BORCS8: variants seen among roughly 807,000 people sequenced by gnomAD.
BORCS8 encodes the protein BLOC-1-related complex subunit 8.
A neutral mutation model predicts 18.7 loss-of-function variants in BORCS8; 13 were observed. That is an observed-to-expected ratio of 0.70 (90% CI 0.45 to 1.11). The LOEUF (loss-of-function observed/expected upper bound fraction) is 1.11, where lower values mean the gene tolerates loss of function less well. Ranked by LOEUF, BORCS8 falls within the 50% of genes least tolerant of loss-of-function variation. BORCS8 has a pLI of 0.00. For missense variants in BORCS8, 165 were observed against 165.7 expected (o/e 1.00, Z 0.02); for synonymous variants, 68 against 64.8 (o/e 1.05, Z -0.24).
Position 19,182,739 on chromosome 19 carries a change from C to T in BORCS8, c.216-56G>A. On this transcript the variant is annotated intron_variant, in intron 3 of 5. Transcript: ENST00000462790. The surrounding 1 kb of genome is among the most constrained non-coding windows in gnomAD (Gnocchi z 4.1). ...TCCGGACCTGCAGGTAACTGTCCCA[C>T]ACCCCAGCACTTGAGGTCACCACCA... The T allele has an allele frequency of 6.7e-7, 1 of 1,499,462 alleles. No homozygotes were observed. Among genetic ancestry groups the T allele is most frequent in the East Asian group, 2.5e-5 (1 of 40,236 alleles). The allele number at this position is 1,499,462 out of a possible 1,614,324, so 92.9% of individuals were successfully genotyped here.
Position 19,181,803 on chromosome 19 carries a change from C to A in BORCS8, c.326+770G>T, listed in dbSNP as rs532698025. The A allele has an allele frequency of 1.2e-4, 109 of 945,116 alleles. No individual in the cohort carries two copies. In the African/African-American group the frequency reaches 1.7e-3, roughly 15 times the overall value. The allele number at this position is 945,116 out of a possible 1,614,324, so 58.5% of individuals were successfully genotyped here. A position where few individuals can be genotyped will look rare whatever the true frequency, so the allele number is the denominator to read the frequency against. Reference sequence around the variant, plus strand: ...TTTCTTTCTTTTGCCCAGTGGGGGACAGGCCTGCCAGAACCCCAATCTGTG... The same window carrying A: ...TTTCTTTCTTTTGCCCAGTGGGGGAAAGGCCTGCCAGAACCCCAATCTGTG... On this transcript the variant is annotated intron_variant, in intron 4 of 5. Transcript: ENST00000462790.
chr19:19,185,559 G>A (rs984456354), intron 3 of BORCS8, among the ~76,000 whole-genome samples: 2 of 152,182 alleles, frequency 1.3e-5, no homozygotes, highest in Non-Finnish European at 2.9e-5. Flanking sequence ...GGTGGCGGGC[G>A]CCTGTAGTCC....
At chr19:19,184,990 T>C (rs1331918046) in intron 3 of BORCS8, among the ~76,000 whole-genome samples, 2 of 152,208 alleles carry the variant, frequency 1.3e-5, no homozygotes, top group African/African-American at 4.8e-5. Context: ...CTCAGCCTCC[T>C]GAGTAGCTGG....
At chr19:19,183,969 G>T (rs961542573) in intron 3 of BORCS8, among the ~76,000 whole-genome samples, 2 of 148,378 alleles carry the variant, frequency 1.3e-5, no homozygotes, top group Middle Eastern at 3.6e-3. Context: ...AGCAACCTCC[G>T]TCTCCCAGGT....
chr19:19,189,200 C>A (rs879833910), intron 1 of BORCS8, among the ~76,000 whole-genome samples: 2 of 152,122 alleles, frequency 1.3e-5, no homozygotes, highest in Non-Finnish European at 2.9e-5. Flanking sequence ...CCCAGCCAGC[C>A]AGCAGGGCCC....
chr19:19,183,134 C>T (rs552258552), intron 3 of BORCS8, among the ~76,000 whole-genome samples: 4 of 152,062 alleles, frequency 2.6e-5, no homozygotes, highest in African/African-American at 7.2e-5. Flanking sequence ...CTGGGATGGG[C>T]GCAGTGGATC....
At chr19:19,179,061 GAC>G (rs1269941715) in intron 5 of BORCS8, 1 of 152,582 alleles carries the variant, frequency 6.6e-6, no homozygotes, top group East Asian at 1.9e-4. Context: ...ACGTGGATGA[GAC>G]ACAGAGCAAT....
Position 19,182,325 on chromosome 19 carries a change from C to T in BORCS8, c.326+248G>A. The T allele has an allele frequency of 1.1e-6, 1 of 943,542 alleles. No individual in the cohort carries two copies. Among genetic ancestry groups the T allele is most frequent in the East Asian group, 3.6e-5 (1 of 28,124 alleles). The allele number at this position is 943,542 out of a possible 1,614,324, so 58.4% of individuals were successfully genotyped here. A position where few individuals can be genotyped will look rare whatever the true frequency, so the allele number is the denominator to read the frequency against. On this transcript the variant is annotated intron_variant, in intron 4 of 5. Coordinates refer to ENST00000462790, the MANE Select transcript of BORCS8 (RefSeq NM_001145784.2). This position sits in a 1 kb window ranked among gnomAD's most constrained non-coding sequence, Gnocchi z 4.1. ...GTCGTATGTCTCCTTGTGAGCCTGT[C>T]TGTCTCGGTCACTGCTATGTCCCCA...
At chr19:19,189,619 C>T (rs759735860) in intron 1 of BORCS8, among the ~76,000 whole-genome samples, 1 of 152,148 alleles carries the variant, frequency 6.6e-6, no homozygotes, top group African/African-American at 2.4e-5. Flanking sequence ...AGGAGGATCA[C>T]TTGAGGATAA....
At chr19:19,187,692 C>A (rs2060424275) in intron 1 of BORCS8, among the ~76,000 whole-genome samples, 1 of 151,778 alleles carries the variant, frequency 6.6e-6, no homozygotes, top group Non-Finnish European at 1.5e-5. Flanking sequence ...GCATGCACCA[C>A]CACGCCCAGC....
In BORCS8 at chr19:19,186,067, T is replaced by C. The variant is rs747106858; in HGVS notation, c.182A>G (p.Gln61Arg). 5.8e-6 allele frequency: 9 copies of C among 1,550,826 alleles called. No individual in the cohort carries two copies. In the South Asian group the frequency reaches 9.5e-5, roughly 16 times the overall value. Residue 61 changes from glutamine (Q) to arginine (R), a missense_variant, in exon 3 of 6, where the codon CAG (glutamine) becomes CGG (arginine). Physicochemically the swap from Gln to Arg is conservative, Grantham distance 43 (BLOSUM62 1). Transcript: ENST00000462790. Reference sequence around the variant, plus strand: ...GTACTCCACAGTGTAGATGGCTCCCTGGCTCTGCTCCTCCCAACGCTGCAT... The same window carrying C: ...GTACTCCACAGTGTAGATGGCTCCCCGGCTCTGCTCCTCCCAACGCTGCAT... ...ADMQRWEEQSQGAIYTVEYAC... is the reference protein window; with the variant it reads ...ADMQRWEEQSRGAIYTVEYAC...
At chr19:19,179,080 G>GGGC (rs1388704146) in intron 5 of BORCS8, 1 of 152,970 alleles carries the variant, frequency 6.5e-6, no homozygotes, top group Non-Finnish European at 1.5e-5. Flanking sequence ...CAATCCTGCC[G>GGGC]GGCAGCAGCA....
intron 5 of BORCS8, chr19:19,178,603 C>T (rs1422265329): frequency 6.6e-6 from 1 of 152,368 alleles, no homozygotes; most frequent in East Asian, 1.9e-4. Context: ...AGGGGGATGA[C>T]TTGACCCTGC....
chr19:19,182,426 C>T lies in BORCS8; in HGVS notation c.326+147G>A. 7.0e-7 allele frequency: 1 copy of T among 1,429,748 alleles called. No homozygotes were observed. 88.6% of individuals were successfully genotyped at this position (1,429,748 alleles called of 1,614,324 possible). ...AGTGACTGAACTCAGGTTATAGATG[C>T]CACAGGACAAGAGGAGGTCACCAGA... On this transcript the variant is annotated intron_variant, in intron 4 of 5. Coordinates refer to ENST00000462790, the MANE Select transcript of BORCS8 (RefSeq NM_001145784.2). The surrounding 1 kb of genome is among the most constrained non-coding windows in gnomAD (Gnocchi z 4.1).
At chr19:19,186,169 T>C in intron 2 of BORCS8, 71 bp from the exon 3 acceptor site, 2 of 1,427,116 alleles carry the variant, frequency 1.4e-6, no homozygotes, top group Non-Finnish European at 1.9e-6. Context: ...CCCAGCTCTC[T>C]TGGTTGGGGC....
intron 1 of BORCS8, among the ~76,000 whole-genome samples, chr19:19,191,483 C>T (rs986342411): frequency 2.1e-5 from 3 of 145,374 alleles, no homozygotes; most frequent in Non-Finnish European, 3.0e-5. Context: ...CAGTGTGATA[C>T]CTTGTCTCAA....
Position 19,182,690 on chromosome 19 carries a change from C to CG in BORCS8, c.216-8dup. The CG allele has an allele frequency of 3.2e-6, 5 of 1,549,376 alleles. No homozygotes were observed. The highest frequency in any genetic ancestry group is 3.5e-6 in the Non-Finnish European group (4 of 1,146,416). ...CACCAGGTTCTTCACGGCGCTGAAA[C>CG]GGGAGGACAGGCCTGGTCAGCGCTC... is the stretch of plus-strand genomic sequence containing the variant. On this transcript the variant is annotated splice_region_variant and splice_polypyrimidine_tract_variant and intron_variant, in intron 3 of 5. Transcript: ENST00000462790. This position sits in a 1 kb window ranked among gnomAD's most constrained non-coding sequence, Gnocchi z 4.1.
chr19:19,184,072 A>G (rs966884494), intron 3 of BORCS8, among the ~76,000 whole-genome samples: 53 of 150,524 alleles, frequency 3.5e-4, no homozygotes, highest in African/African-American at 1.3e-3. Flanking sequence ...TAGTAGAGAT[A>G]GGGTTGCACC....
chr19:19,189,329 C>T (rs1476471045), intron 1 of BORCS8, among the ~76,000 whole-genome samples: 1 of 152,158 alleles, frequency 6.6e-6, no homozygotes, highest in East Asian at 1.9e-4. Flanking sequence ...TGCCTGGATG[C>T]CAGATCCACC....
Sources: allele counts gnomAD v4.1 joint callset (sites outside exome capture counted in the v4.1 genomes callset), GRCh38; gene constraint gnomAD v4.1.1; non-coding constraint Gnocchi (gnomAD v3.1); transcripts MANE v1.5; gene names NCBI Gene and HGNC (gene_info 2026-07-23, HGNC 2026-07-21).